Variants in ATP6V0A2 observed in about 807,000 individuals in gnomAD.
The protein encoded by ATP6V0A2 is V-type proton ATPase 116 kDa subunit a 2.
A neutral mutation model predicts 104.4 loss-of-function variants in ATP6V0A2; 58 were observed. The observed-to-expected ratio is 0.56, with a 90% CI of 0.45 to 0.69. The LOEUF is 0.69. Among genes scored for constraint, ATP6V0A2 ranks in the 30% least tolerant of loss-of-function variants. The pLI is 0.00. For missense variants in ATP6V0A2, 938 were observed against 1,062.9 expected (o/e 0.88, Z 1.63); for synonymous variants, 376 against 397.9 (o/e 0.95, Z 0.65).
At chr12:123,746,811 C>T (rs1328395243) in intron 13 of ATP6V0A2, among the ~76,000 whole-genome samples, 1 of 151,736 alleles carries the variant, frequency 6.6e-6, no homozygotes, top group African/African-American at 2.4e-5. Context: ...GCCAGGCATG[C>T]TGGTCCAGCT....
chr12:123,740,247 C>T (rs1219277055), intron 9 of ATP6V0A2, among the ~76,000 whole-genome samples: 6 of 151,194 alleles, frequency 4.0e-5, no homozygotes, highest in East Asian at 1.9e-4. Context: ...CTTTCGCCCA[C>T]GCTGGAGTAC....
At chr12:123,751,031 C>A in intron 15 of ATP6V0A2, 79 bp from the exon 16 acceptor site, 1 of 1,588,294 alleles carries the variant, frequency 6.3e-7, no homozygotes, top group Non-Finnish European at 8.6e-7. Flanking sequence ...TTCGATCTTT[C>A]CTGATTTCAT....
chr12:123,717,940 T>C (rs910026281), intron 1 of ATP6V0A2, among the ~76,000 whole-genome samples: 30 of 152,080 alleles, frequency 2.0e-4, no homozygotes, highest in African/African-American at 7.0e-4. Context: ...TTTTTCTTTT[T>C]TTGACCCAGG....
rs916167146 is a variant in ATP6V0A2, at chr12:123,751,042, C to T, written c.1936-68C>T. 42 of 1,600,528 alleles carry T rather than the reference C, an allele frequency of 2.6e-5. No individual in the cohort carries two copies. In the Admixed American group the frequency reaches 2.8e-4, roughly 11 times the overall value. On this transcript the variant is annotated intron_variant, in intron 15 of 19. Transcript: ENST00000330342. ...ATTGTTCGATCTTTCCTGATTTCAT[C>T]GTGTGCTGCTGACCCTGCAGGCAGG...
intron 15 of ATP6V0A2, among the ~76,000 whole-genome samples, chr12:123,749,568 TA>T (rs1956695216): frequency 6.6e-6 from 1 of 152,218 alleles, no homozygotes; most frequent in African/African-American, 2.4e-5. Flanking sequence ...AAAATGGGAC[TA>T]AAAACAGGAG....
intron 16 of ATP6V0A2, among the ~76,000 whole-genome samples, chr12:123,751,504 A>C (rs1238771094): frequency 6.6e-6 from 1 of 152,062 alleles, no homozygotes; most frequent in Non-Finnish European, 1.5e-5. Flanking sequence ...AGAATACAAA[A>C]ATAAGCCGGT....
intron 2 of ATP6V0A2, among the ~76,000 whole-genome samples, chr12:123,720,522 C>G (rs1242209311): frequency 2.6e-5 from 4 of 152,140 alleles, no homozygotes; most frequent in Non-Finnish European, 5.9e-5. Flanking sequence ...CATACTGAGA[C>G]CCTGTCTCCA....
At chr12:123,716,113 A>G (rs1389369200) in intron 1 of ATP6V0A2, among the ~76,000 whole-genome samples, 1 of 150,914 alleles carries the variant, frequency 6.6e-6, no homozygotes, top group Non-Finnish European at 1.5e-5. Flanking sequence ...GTCGCCCAGG[A>G]TGGAGTGCAG....
rs66647364 is a variant in ATP6V0A2 at position 123,712,733 on chromosome 12, A to C, written c.117+51A>C. ...CCGCACCTGCTCTCCTGGCGCCCCC[A>C]ATCCCGCGCATCGCTGGGGCCCTCC... On this transcript the variant is annotated intron_variant, in intron 1 of 19. Coordinates refer to ENST00000330342, the MANE Select transcript of ATP6V0A2 (RefSeq NM_012463.4). 0.39 allele frequency: 576,903 copies of C among 1,476,822 alleles called. 117,401 individuals are homozygous for C. The highest frequency in any genetic ancestry group is 0.52 in the African/African-American group (37,746 of 72,190). 91.5% of individuals were successfully genotyped at this position (1,476,822 alleles called of 1,614,324 possible).
At chr12:123,753,277 A>G (rs1034288904) in intron 17 of ATP6V0A2, among the ~76,000 whole-genome samples, 5 of 151,680 alleles carry the variant, frequency 3.3e-5, no homozygotes, top group African/African-American at 7.3e-5. Context: ...CCCTTTACCA[A>G]TGACTGCGTT....
chr12:123,717,744 A>T (rs1956358461), intron 1 of ATP6V0A2, among the ~76,000 whole-genome samples: 1 of 152,060 alleles, frequency 6.6e-6, no homozygotes, highest in Non-Finnish European at 1.5e-5. Context: ...GTGCCTGGCT[A>T]TAATTTCTTT....
In ATP6V0A2 at chr12:123,758,145, G is replaced by T; in HGVS notation, c.*113G>T. On this transcript the variant is annotated 3_prime_UTR_variant, in exon 20 of 20. Transcript: ENST00000330342. ...AATTCCATCTTCATTACTGCCTTAT[G>T]ACATAGCCAAATAATTCTGTAAGAT... 1 of 721,280 alleles carries T rather than the reference G, an allele frequency of 1.4e-6. No individual in the cohort carries two copies. The highest frequency in any genetic ancestry group is 1.6e-5 in the South Asian group (1 of 63,496). The allele number at this position is 721,280 out of a possible 1,614,324, so 44.7% of individuals were successfully genotyped here. A position where few individuals can be genotyped will look rare whatever the true frequency, so the allele number is the denominator to read the frequency against.
At chr12:123,730,672 A>G (rs555953452) in intron 6 of ATP6V0A2, 48 of 152,312 alleles carry the variant, frequency 3.2e-4, no homozygotes, top group African/African-American at 1.1e-3. Flanking sequence ...TAGCATTTAC[A>G]TATTTTTTGA....
At position 123,751,248 on chromosome 12, in the gene ATP6V0A2, G is replaced by T; in HGVS notation, c.2055+19G>T. 6.2e-7 allele frequency: 1 copy of T among 1,614,114 alleles called. No individual in the cohort carries two copies. Among genetic ancestry groups the T allele is most frequent in the Non-Finnish European group, 8.5e-7 (1 of 1,180,000 alleles). ...GAACCGGGTAAGTGCGGGTTTGGAT[G>T]CATTTACAACTGTGAGCAAAGCTTG... On this transcript the variant is annotated intron_variant, in intron 16 of 19. Coordinates refer to ENST00000330342, the MANE Select transcript of ATP6V0A2 (RefSeq NM_012463.4).
chr12:123,728,298 G>A (rs1956466889), intron 6 of ATP6V0A2, among the ~76,000 whole-genome samples: 1 of 151,696 alleles, frequency 6.6e-6, no homozygotes, highest in South Asian at 2.1e-4. Context: ...TGTTGCCCAG[G>A]CTGGTCTCAA....
rs374546165 is a variant in ATP6V0A2, at chr12:123,737,059, G to C, written c.826G>C (p.Val276Leu). Reference protein sequence around the residue: ...LNTRIQDLYTVLHKTEDYLRQ... With the variant: ...LNTRIQDLYTLLHKTEDYLRQ... ...GAAAGCCCCTGTTGTTCTTCCCCAGGTACTGCACAAAACCGAGGACTATTT... is the reference window on the plus strand; with the variant it reads ...GAAAGCCCCTGTTGTTCTTCCCCAGCTACTGCACAAAACCGAGGACTATTT... The change falls in exon 9 of 20, where the codon GTA (valine) becomes CTA (leucine). Residue 276 changes from valine to leucine, a missense_variant and splice_region_variant. Transcript: ENST00000330342. 1 of 1,614,170 alleles carries C rather than the reference G, an allele frequency of 6.2e-7. No homozygotes were observed. The highest frequency in any genetic ancestry group is 8.5e-7 in the Non-Finnish European group (1 of 1,180,008).
chr12:123,727,966 A>G (rs1010957693), intron 6 of ATP6V0A2, 57 bp downstream of exon 6: 2 of 1,611,104 alleles, frequency 1.2e-6, no homozygotes, highest in Non-Finnish European at 1.7e-6. Flanking sequence ...AGAGTTGGAG[A>G]TATGGTAGAA....
At position 123,744,674 on chromosome 12, in the gene ATP6V0A2, C is replaced by T; in HGVS notation, c.1404C>T (p.Tyr468=). 8 of 1,614,100 alleles carry T rather than the reference C, an allele frequency of 5.0e-6. No individual in the cohort carries two copies. The highest frequency in any genetic ancestry group is 6.8e-6 in the Non-Finnish European group (8 of 1,180,034). Residue 468 remains tyrosine, a synonymous_variant, in exon 12 of 20, where the codon TAC becomes TAT. Coordinates refer to ENST00000330342, the MANE Select transcript of ATP6V0A2 (RefSeq NM_012463.4). The surrounding 1 kb of genome is among the most constrained non-coding windows in gnomAD (Gnocchi z 5.4). ...TCTCAGTGTACACTGGCCTCATCTA[C>T]AACGACTGCTTTTCAAAGTCAGTCA... The part of the protein sequence containing the change: ...GLFSVYTGLI[Y]NDCFSKSVNL...
At chr12:123,730,447 C>G (rs1386371214) in intron 6 of ATP6V0A2, among the ~76,000 whole-genome samples, 1 of 152,116 alleles carries the variant, frequency 6.6e-6, no homozygotes, top group Non-Finnish European at 1.5e-5. Context: ...CCGCGCCCAG[C>G]CTGTGATTTA....
Sources: allele counts gnomAD v4.1 joint callset (sites outside exome capture counted in the v4.1 genomes callset), GRCh38; gene constraint gnomAD v4.1.1; non-coding constraint Gnocchi (gnomAD v3.1); transcripts MANE v1.5; gene names NCBI Gene and HGNC (gene_info 2026-07-23, HGNC 2026-07-21).